Variants in RAD51B observed in about 807,000 individuals in gnomAD.
RAD51B encodes RAD51 paralog B.
A neutral mutation model predicts 42.2 loss-of-function variants in RAD51B; 38 were observed. The ratio of observed to expected loss-of-function variants is 0.90; its 90% confidence interval spans 0.70 to 1.18. The LOEUF (loss-of-function observed/expected upper bound fraction) is 1.18, where lower values mean the gene tolerates loss of function less well. RAD51B is among the 50% of genes most tolerant of loss of function. The pLI is 0.00. For missense variants in RAD51B, 373 were observed against 400.7 expected (o/e 0.93, Z 0.59); for synonymous variants, 154 against 145.2 (o/e 1.06, Z -0.43).
In RAD51B at chr14:68,527,088, G is replaced by A. The variant is rs960106842; in HGVS notation, c.1036+58838G>A. Among the ~76,000 whole-genome samples the A allele has an allele frequency of 6.6e-5, 10 of 152,150 alleles. 1 individual carries two copies. The highest frequency in any genetic ancestry group is 1.2e-4 in the Non-Finnish European group (8 of 68,026). Reference sequence around the variant, plus strand: ...CTCAGGAAAGAAGAAAGTTACATCCGCACAAAGTTTCAATTATAAAGCCCA... The same window carrying A: ...CTCAGGAAAGAAGAAAGTTACATCCACACAAAGTTTCAATTATAAAGCCCA... On this transcript the variant is annotated intron_variant, in intron 10 of 10. Transcript: ENST00000487270.
intron 5 of RAD51B, among the ~76,000 whole-genome samples, chr14:67,872,652 C>G (rs1390732870): frequency 6.6e-6 from 1 of 151,918 alleles, no homozygotes; most frequent in Non-Finnish European, 1.5e-5. Context: ...GCCAAAAGAA[C>G]AAGGCTGGAG....
chr14:68,060,418 A>C (rs1426020496), intron 7 of RAD51B, among the ~76,000 whole-genome samples: 2 of 152,224 alleles, frequency 1.3e-5, no homozygotes, highest in African/African-American at 4.8e-5. Context: ...AGCTGCAGCT[A>C]CTTTCTCAGA....
intron 10 of RAD51B, chr14:68,470,853 C>G (rs1156726319): frequency 1.3e-5 from 5 of 382,558 alleles, no homozygotes; most frequent in African/African-American, 1.0e-4. Flanking sequence ...TTTGTCCGAT[C>G]CTCCTAGGAG....
chr14:68,496,057 T>C (rs1455865516), intron 10 of RAD51B, among the ~76,000 whole-genome samples: 1 of 152,078 alleles, frequency 6.6e-6, no homozygotes, highest in Non-Finnish European at 1.5e-5. Flanking sequence ...CATCCTGCCT[T>C]CCCCCAGCAG....
chr14:68,204,524 G>A (rs906523785), intron 7 of RAD51B, among the ~76,000 whole-genome samples: 1 of 152,178 alleles, frequency 6.6e-6, no homozygotes, highest in Non-Finnish European at 1.5e-5. Flanking sequence ...ACAGAGACAT[G>A]CATGAGCACA....
At chr14:68,449,978 A>C (rs940628995) in intron 9 of RAD51B, among the ~76,000 whole-genome samples, 3 of 152,166 alleles carry the variant, frequency 2.0e-5, no homozygotes, top group African/African-American at 7.2e-5. Flanking sequence ...TTACTTCTAA[A>C]ACATGATTAA....
chr14:68,255,179 T>A (rs2080726896), intron 7 of RAD51B, among the ~76,000 whole-genome samples: 2 of 152,302 alleles, frequency 1.3e-5, no homozygotes, highest in South Asian at 2.1e-4. Context: ...AACATTAATA[T>A]CTTACGGAGT....
intron 10 of RAD51B, among the ~76,000 whole-genome samples, chr14:68,570,518 T>C (rs779826215): frequency 4.6e-5 from 7 of 152,256 alleles, no homozygotes; most frequent in Non-Finnish European, 8.8e-5. Context: ...AACTGTTTAC[T>C]AAACACTCTA....
chr14:67,893,543 C>G (rs150025529), intron 7 of RAD51B, among the ~76,000 whole-genome samples: 8 of 149,862 alleles, frequency 5.3e-5, no homozygotes, highest in Admixed American at 2.0e-4. Flanking sequence ...TGGTGCTACA[C>G]ACCTGTAGTC....
chr14:68,597,095 G>A (rs1179620589), downstream of RAD51B, among the ~76,000 whole-genome samples: 1 of 152,172 alleles, frequency 6.6e-6, no homozygotes, highest in African/African-American at 2.4e-5. Context: ...GAAGAAATTA[G>A]CCAGCTACTG....
chr14:68,536,818 A>C (rs1887648373), intron 10 of RAD51B, among the ~76,000 whole-genome samples: 1 of 152,114 alleles, frequency 6.6e-6, no homozygotes. Flanking sequence ...GCAGTGGCTC[A>C]TGCCTGTAAT....
intron 8 of RAD51B, among the ~76,000 whole-genome samples, chr14:68,301,541 A>G (rs2081735362): frequency 6.6e-6 from 1 of 151,726 alleles, no homozygotes; most frequent in South Asian, 2.1e-4. Context: ...AAACCAGCAG[A>G]AAGTCCTGTC....
intron 4 of RAD51B, among the ~76,000 whole-genome samples, chr14:67,853,040 T>G (rs2041877451): frequency 6.6e-6 from 1 of 152,150 alleles, no homozygotes; most frequent in Non-Finnish European, 1.5e-5. Context: ...AAGAAAAGCT[T>G]AAAACCCAAG....
rs115481686 is a variant in RAD51B at position 68,510,342 on chromosome 14, C to T, written c.1036+42092C>T. On this transcript the variant is annotated intron_variant, in intron 10 of 10. Coordinates refer to the RAD51B transcript ENST00000487270. The stretch of plus-strand genomic sequence containing the variant: ...AACACTGGACCAAATTAGACTGAGC[C>T]GGCCTCTGTCTCCAGGGAAGGGAGG... Among the ~76,000 whole-genome samples, 540 of 152,334 alleles carry T rather than the reference C, an allele frequency of 3.5e-3. 3 individuals are homozygous for T. The highest frequency in any genetic ancestry group is 0.012 in the African/African-American group (518 of 41,574).
intron 10 of RAD51B, among the ~76,000 whole-genome samples, chr14:68,604,010 G>A (rs1021995999): frequency 1.3e-5 from 2 of 152,364 alleles, no homozygotes; most frequent in East Asian, 1.9e-4. Context: ...AGGCCACAGC[G>A]GCCTCAGGCC....
intron 7 of RAD51B, among the ~76,000 whole-genome samples, chr14:67,954,970 G>A (rs1162906674): frequency 6.6e-6 from 1 of 152,106 alleles, no homozygotes; most frequent in African/African-American, 2.4e-5. Context: ...CAGGAGATGG[G>A]TGGAGGTATA....
chr14:68,361,994 C>T (rs183400939), intron 8 of RAD51B, among the ~76,000 whole-genome samples: 15 of 152,158 alleles, frequency 9.9e-5, no homozygotes, highest in African/African-American at 1.9e-4. Flanking sequence ...TCTTTATAGT[C>T]GCCCCAAAGA....
Position 67,893,504 on chromosome 14 carries a change from ACACAC to A in RAD51B, c.756+6301_756+6305del, listed in dbSNP as rs1175420449. 8.4e-3 allele frequency among the ~76,000 whole-genome samples: 824 copies of A among 97,698 alleles called. 42 individuals carry two copies. Among genetic ancestry groups the A allele is most frequent in the African/African-American group, 0.025 (390 of 15,438 alleles). 64.1% of individuals were successfully genotyped at this position (97,698 alleles called of 152,430 possible). On this transcript the variant is annotated intron_variant, in intron 7 of 10. Transcript: ENST00000471583. ...CACACACACACACACACACACACAC[ACACAC>A]AAAAAAAAACAATTAGCTGGGTGTG...
At chr14:67,932,330 G>T (rs1303880329) in intron 7 of RAD51B, among the ~76,000 whole-genome samples, 1 of 152,178 alleles carries the variant, frequency 6.6e-6, no homozygotes, top group Non-Finnish European at 1.5e-5. Context: ...AACAATATCT[G>T]TGTTATCTGT....
Sources: gnomAD v4.1 joint callset for allele counts (sites outside exome capture counted in the v4.1 genomes callset) on GRCh38, gnomAD v4.1.1 for gene constraint, MANE v1.5 for transcripts, NCBI Gene and HGNC (gene_info 2026-07-23, HGNC 2026-07-21) for gene names.